Variants in SCN11A observed in about 807,000 individuals in gnomAD.
SCN11A encodes the protein sodium voltage-gated channel alpha subunit 11, also known as sodium channel protein type 11 subunit alpha.
SCN11A carries 122 observed loss-of-function variants against 162.2 expected under a neutral mutation model. The observed-to-expected ratio is 0.75, with a 90% CI of 0.65 to 0.87. SCN11A has a LOEUF of 0.87. Ranked by LOEUF, SCN11A falls within the 40% of genes least tolerant of loss-of-function variation. SCN11A has a pLI of 0.00. For synonymous variants in SCN11A, 758 were observed against 751.5 expected (o/e 1.01, Z -0.14); for missense variants, 2,015 against 2,181.6 (o/e 0.92, Z 1.52).
At chr3:39,023,380 C>T (rs1209142945) in intron 2 of SCN11A, among the ~76,000 whole-genome samples, 1 of 152,130 alleles carries the variant, frequency 6.6e-6, no homozygotes, top group Non-Finnish European at 1.5e-5. Context: ...TATTTTTTGT[C>T]TGCTCAATTG....
At chr3:38,941,202 A>G (rs1048450945) in intron 7 of SCN11A, among the ~76,000 whole-genome samples, 1 of 152,210 alleles carries the variant, frequency 6.6e-6, no homozygotes. Flanking sequence ...AAATCCTGGA[A>G]GCATGCAAGA....
At chr3:38,919,462 C>T (rs1389927856) in intron 11 of SCN11A, among the ~76,000 whole-genome samples, 1 of 152,162 alleles carries the variant, frequency 6.6e-6, no homozygotes, top group Non-Finnish European at 1.5e-5. Flanking sequence ...CCCATTGGAG[C>T]AGAGGGCCAG....
At chr3:38,851,383 T>C (rs1281572949) in intron 28 of SCN11A, among the ~76,000 whole-genome samples, 1 of 152,226 alleles carries the variant, frequency 6.6e-6, no homozygotes. Context: ...GATTAATTTA[T>C]ACTATAACTG....
intron 23 of SCN11A, among the ~76,000 whole-genome samples, chr3:38,873,934 G>A (rs1020366508): frequency 9.2e-5 from 14 of 152,022 alleles, no homozygotes; most frequent in Non-Finnish European, 1.5e-4. Flanking sequence ...CATGTTTTAC[G>A]GATCCATTCC....
intron 2 of SCN11A, among the ~76,000 whole-genome samples, chr3:39,007,065 C>A (rs2030999974): frequency 6.6e-6 from 1 of 151,408 alleles, no homozygotes; most frequent in African/African-American, 2.4e-5. Flanking sequence ...AGAAATTTTC[C>A]CAGAATGGAA....
intron 19 of SCN11A, among the ~76,000 whole-genome samples, chr3:38,890,681 C>T (rs755852204): frequency 2.6e-5 from 4 of 152,232 alleles, no homozygotes; most frequent in African/African-American, 4.8e-5. Context: ...AGCCTAAAAT[C>T]GAAGTGTAAT....
rs74549138 is a variant in SCN11A at position 38,968,259 on chromosome 3, G to A, written c.-279-7836C>T. 4.8e-3 allele frequency among the ~76,000 whole-genome samples: 738 copies of A among 152,228 alleles called. 2 individuals are homozygous for A. The highest frequency in any genetic ancestry group is 7.4e-3 in the Non-Finnish European group (506 of 68,018). On this transcript the variant is annotated intron_variant, in intron 2 of 29. Coordinates refer to ENST00000302328, the MANE Select transcript of SCN11A (RefSeq NM_001349253.2). The stretch of plus-strand genomic sequence containing the variant: ...CTCTCAACCACCATGTTTACATGCT[G>A]CTCTCTCTCATTCCCAGATACAAAA...
chr3:39,003,729 G>A (rs2030885175), intron 2 of SCN11A, among the ~76,000 whole-genome samples: 1 of 152,134 alleles, frequency 6.6e-6, no homozygotes, highest in Non-Finnish European at 1.5e-5. Flanking sequence ...ATTCTGACTG[G>A]TGTGAGATGG....
At chr3:38,899,820 C>T (rs2065666750) in intron 17 of SCN11A, 74 bp downstream of exon 17, 3 of 1,201,720 alleles carry the variant, frequency 2.5e-6, no homozygotes, top group South Asian at 1.4e-5. Flanking sequence ...TACAAGATAA[C>T]CACTGAACTC....
chr3:38,943,051 A>C (rs576364840), intron 7 of SCN11A, among the ~76,000 whole-genome samples: 78 of 152,278 alleles, frequency 5.1e-4, no homozygotes, highest in African/African-American at 1.7e-3. Flanking sequence ...TAATAGCCCT[A>C]AACTGGAAAT....
At chr3:38,947,626 C>CA (rs1355246057) in intron 5 of SCN11A, among the ~76,000 whole-genome samples, 2 of 152,352 alleles carry the variant, frequency 1.3e-5, no homozygotes, top group South Asian at 2.1e-4. Flanking sequence ...CCCGCCCCCC[C>CA]ACAAAGTGCC....
chr3:38,849,388 A>G (rs1181213348), intron 29 of SCN11A: 1 of 149,506 alleles, frequency 6.7e-6, no homozygotes, highest in Non-Finnish European at 1.5e-5. Context: ...AGCTTTATCT[A>G]CATTAACATC....
chr3:39,006,927 C>A (rs1368680385), intron 2 of SCN11A, among the ~76,000 whole-genome samples: 1 of 151,374 alleles, frequency 6.6e-6, no homozygotes, highest in Non-Finnish European at 1.5e-5. Flanking sequence ...GAAAATTGTA[C>A]AAAAGTAGAA....
Position 38,863,231 on chromosome 3 carries a change from TC to T in SCN11A, c.4019del (p.Gly1340AspfsTer13). ...KKYYNAMKKLGSKKPQKPIPR... is the reference protein window; with the variant it reads ...KKYYNAMKKLXSKKPQKPIPR... Reference sequence around the variant, plus strand: ...GAATGGGTTTTTGAGGTTTTTTGGATCCTAATTTTTTCATTGCATTATAGTA... The same window carrying T: ...GAATGGGTTTTTGAGGTTTTTTGGATCTAATTTTTTCATTGCATTATAGTA... On this transcript the variant is annotated frameshift_variant, in exon 28 of 30. Coordinates refer to ENST00000302328, the MANE Select transcript of SCN11A (RefSeq NM_001349253.2). LOFTEE classifies it high-confidence loss of function. 1 of 1,608,126 alleles carries T rather than the reference TC, an allele frequency of 6.2e-7. No homozygotes were observed. Among genetic ancestry groups the T allele is most frequent in the Non-Finnish European group, 8.5e-7 (1 of 1,174,808 alleles).
At chr3:38,988,489 C>T (rs73070516) in intron 2 of SCN11A, among the ~76,000 whole-genome samples, 15,035 of 152,164 alleles carry the variant, frequency 0.099, 1,022 homozygotes, top group East Asian at 0.22. Context: ...CAGTCTCTTT[C>T]TGTCTCAGGT....
intron 2 of SCN11A, among the ~76,000 whole-genome samples, chr3:38,967,585 A>C (rs2066790931): frequency 6.6e-6 from 1 of 152,224 alleles, no homozygotes; most frequent in African/African-American, 2.4e-5. Flanking sequence ...GCTTTGGAGA[A>C]AGCACTGAGA....
chr3:38,847,753 G>C lies in SCN11A; in HGVS notation c.4328-11C>G. 1 of 1,540,980 alleles carries C rather than the reference G, an allele frequency of 6.5e-7. No homozygotes were observed. The highest frequency in any genetic ancestry group is 8.8e-7 in the Non-Finnish European group (1 of 1,130,066). On this transcript the variant is annotated splice_polypyrimidine_tract_variant and intron_variant, in intron 29 of 29. Transcript: ENST00000302328. The stretch of plus-strand genomic sequence containing the variant: ...TAGAAATCATTGTACCTCAGGAGAA[G>C]GAGAAAAGTAAATAAGTTTCCAGAA...
chr3:39,031,869 A>C (rs1237728438), intron 2 of SCN11A, among the ~76,000 whole-genome samples: 2 of 152,222 alleles, frequency 1.3e-5, no homozygotes, highest in Non-Finnish European at 2.9e-5. Context: ...TTACAGAAAA[A>C]GTTTGCCAAA....
At chr3:38,850,213 A>AG in intron 29 of SCN11A, 1 of 346,808 alleles carries the variant, frequency 2.9e-6, no homozygotes, top group Non-Finnish European at 5.2e-6. Context: ...AGTCATTTTA[A>AG]TTTTGTCTAT....
Sources: gnomAD v4.1 joint callset for allele counts (sites outside exome capture counted in the v4.1 genomes callset) on GRCh38, gnomAD v4.1.1 for gene constraint, MANE v1.5 for transcripts, NCBI Gene and HGNC (gene_info 2026-07-23, HGNC 2026-07-21) for gene names.